The following INO80 variants were observed in gnomAD, a reference collection of about 807,000 sequenced individuals.
INO80 encodes the protein chromatin-remodeling ATPase INO80.
A neutral mutation model predicts 203.4 loss-of-function variants in INO80; 20 were observed. The ratio of observed to expected loss-of-function variants is 0.10; its 90% confidence interval spans 0.07 to 0.14. The LOEUF (loss-of-function observed/expected upper bound fraction) is 0.14. INO80 is among the 10% of genes least tolerant of loss of function. The pLI is 1.00. For missense variants in INO80, 1,419 were observed against 1,914.4 expected (o/e 0.74, Z 4.83); for synonymous variants, 726 against 685.2 (o/e 1.06, Z -0.93).
intron 1 of INO80, among the ~76,000 whole-genome samples, chr15:41,111,928 A>G (rs1008444788): frequency 6.6e-6 from 1 of 152,032 alleles, no homozygotes; most frequent in Admixed American, 6.6e-5. Flanking sequence ...CTTGCTCTGG[A>G]GGGAATAGCT....
At chr15:41,068,529 C>T (rs1042629643) in intron 14 of INO80, among the ~76,000 whole-genome samples, 2 of 151,796 alleles carry the variant, frequency 1.3e-5, no homozygotes, top group African/African-American at 2.4e-5. Flanking sequence ...CCATTACACT[C>T]TAGCCTGGGT....
intron 1 of INO80, among the ~76,000 whole-genome samples, chr15:41,113,744 A>G (rs2140723525): frequency 6.6e-6 from 1 of 152,332 alleles, no homozygotes; most frequent in East Asian, 1.9e-4. Flanking sequence ...GGCTTGAGAC[A>G]CCATGCCCAG....
chr15:41,032,065 C>A (rs2044494313), intron 24 of INO80, among the ~76,000 whole-genome samples: 1 of 83,068 alleles, frequency 1.2e-5, no homozygotes, highest in Admixed American at 1.3e-4. Context: ...CAGCACAGGA[C>A]AGCACAGGAC....
In INO80 at chr15:40,980,133, G is replaced by A; in HGVS notation, c.*90C>T. On this transcript the variant is annotated 3_prime_UTR_variant, in exon 36 of 36. Coordinates refer to ENST00000648947, the MANE Select transcript of INO80 (RefSeq NM_017553.3). The stretch of plus-strand genomic sequence containing the variant: ...TTTCCACTTCTGACTCAGGATGCAA[G>A]ATGCTGCACGGGGCAAGCCATCCAA... 1 of 1,009,520 alleles carries A rather than the reference G, an allele frequency of 9.9e-7. No homozygotes were observed. The highest frequency in any genetic ancestry group is 1.5e-6 in the Non-Finnish European group (1 of 653,948). 62.5% of individuals were successfully genotyped at this position (1,009,520 alleles called of 1,614,324 possible). A position where few individuals can be genotyped will look rare whatever the true frequency, so the allele number is the denominator to read the frequency against.
chr15:41,092,260 C>G (rs1285389591), intron 4 of INO80, 78 bp from the exon 5 acceptor site: 1 of 1,225,890 alleles, frequency 8.2e-7, no homozygotes, highest in African/African-American at 1.5e-5. Context: ...TTTCCTAGAT[C>G]CAAAACAATG....
In INO80 at chr15:41,085,444, C is replaced by T; in HGVS notation, c.798G>A (p.Lys266=). 6.2e-7 allele frequency: 1 copy of T among 1,614,160 alleles called. No individual in the cohort carries two copies. Among genetic ancestry groups the T allele is most frequent in the Non-Finnish European group, 8.5e-7 (1 of 1,180,032 alleles). ...CATTCAGCTGCTCAATGGATAAGTG[C>T]TTTTTCTTAGTGCCAGGGGGAGGTG... ...HDAPPPGTKK[K]HLSIEQLNAR... Residue 266 remains lysine (K), a synonymous_variant, in exon 7 of 36, where the codon AAG becomes AAA. Coordinates refer to ENST00000648947, the MANE Select transcript of INO80 (RefSeq NM_017553.3).
chr15:40,988,326 A>G (rs750027573), intron 29 of INO80, among the ~76,000 whole-genome samples: 5 of 152,154 alleles, frequency 3.3e-5, no homozygotes, highest in Non-Finnish European at 7.4e-5. Flanking sequence ...TATCACTGTT[A>G]TTTGTGCTGA....
intron 29 of INO80, among the ~76,000 whole-genome samples, chr15:40,989,670 T>G (rs945717431): frequency 4.6e-5 from 7 of 152,152 alleles, no homozygotes; most frequent in African/African-American, 1.7e-4. Context: ...CCACTCCAGC[T>G]CTCTGCCAGT....
At chr15:40,981,234 G>C (rs903707911) in intron 35 of INO80, among the ~76,000 whole-genome samples, 5 of 152,154 alleles carry the variant, frequency 3.3e-5, no homozygotes, top group Non-Finnish European at 7.3e-5. Flanking sequence ...TCCATTTCCA[G>C]TTGCCAAGCA....
chr15:41,101,477 T>C (rs1392629317), intron 1 of INO80, among the ~76,000 whole-genome samples: 1 of 152,116 alleles, frequency 6.6e-6, no homozygotes, highest in African/African-American at 2.4e-5. Flanking sequence ...CTCTTTTATT[T>C]CACCTTAGCT....
intron 29 of INO80, among the ~76,000 whole-genome samples, chr15:40,991,007 GGGATGTGGGTGGT>G (rs2043810062): frequency 6.6e-6 from 1 of 152,160 alleles, no homozygotes. Flanking sequence ...TCATAATGTG[GGGATGTGGGTGGT>G]GGAGGTGGGT....
rs576363666 is a variant in INO80, at chr15:41,012,357, A to G, written c.3402+3731T>C. Among the ~76,000 whole-genome samples, 35 of 152,228 alleles carry G rather than the reference A, an allele frequency of 2.3e-4. No homozygotes were observed. In the South Asian group the frequency reaches 7.3e-3, roughly 32 times the overall value. On this transcript the variant is annotated intron_variant, in intron 27 of 35. Transcript: ENST00000648947. ...CAAGATGGGAGGATTACTTGAGGTCAGGAGTTTGAGACCAGCCTGGCCAAC... is the reference window on the plus strand; with the variant it reads ...CAAGATGGGAGGATTACTTGAGGTCGGGAGTTTGAGACCAGCCTGGCCAAC...
At chr15:40,989,859 A>C (rs1461107565) in intron 29 of INO80, among the ~76,000 whole-genome samples, 4 of 152,204 alleles carry the variant, frequency 2.6e-5, no homozygotes, top group Non-Finnish European at 5.9e-5. Context: ...CTGGCTTATA[A>C]TACATTTGTG....
chr15:41,023,687 T>C (rs909040034), intron 25 of INO80, among the ~76,000 whole-genome samples: 4 of 139,360 alleles, frequency 2.9e-5, no homozygotes, highest in Non-Finnish European at 6.0e-5. Context: ...GAGAATCACT[T>C]GAATCCAAGA....
intron 17 of INO80, among the ~76,000 whole-genome samples, chr15:41,056,218 T>G (rs1270615757): frequency 6.6e-6 from 1 of 152,076 alleles, no homozygotes; most frequent in Non-Finnish European, 1.5e-5. Context: ...GTTGTTGGGA[T>G]TACAGGCATG....
At chr15:41,098,133 A>G (rs2045752998) in intron 1 of INO80, among the ~76,000 whole-genome samples, 1 of 152,180 alleles carries the variant, frequency 6.6e-6, no homozygotes, top group Non-Finnish European at 1.5e-5. Flanking sequence ...TACAGGCGTG[A>G]GCCACCACGC....
chr15:40,983,344 A>G, intron 34 of INO80: 1 of 466,386 alleles, frequency 2.1e-6, no homozygotes. Flanking sequence ...TCCTCTTTAA[A>G]TTTGTCCATT....
chr15:41,068,139 T>A (rs552414753), intron 14 of INO80, among the ~76,000 whole-genome samples: 1 of 152,286 alleles, frequency 6.6e-6, no homozygotes, highest in South Asian at 2.1e-4. Context: ...GAAAATGAAC[T>A]GGCTGGGTTT....
chr15:41,022,881 G>A (rs545915694), intron 25 of INO80, among the ~76,000 whole-genome samples: 6 of 152,078 alleles, frequency 3.9e-5, no homozygotes, highest in African/African-American at 1.2e-4. Context: ...GTGGCAGATC[G>A]CCTAAGGTCA....
Sources: gnomAD v4.1 joint callset for allele counts (sites outside exome capture counted in the v4.1 genomes callset) on GRCh38, gnomAD v4.1.1 for gene constraint, MANE v1.5 for transcripts, NCBI Gene and HGNC (gene_info 2026-07-23, HGNC 2026-07-21) for gene names.